Variants in SPRED1 observed in about 807,000 individuals in gnomAD.
The protein encoded by SPRED1 is sprouty-related, EVH1 domain-containing protein 1.
In SPRED1, 18 loss-of-function variants were observed where a neutral mutation model predicts 52.3. The observed-to-expected ratio is 0.34, with a 90% confidence interval of 0.24 to 0.51. The LOEUF (loss-of-function observed/expected upper bound fraction) is 0.51, where lower values mean the gene tolerates loss of function less well. Among genes scored for constraint, SPRED1 ranks in the 20% least tolerant of loss-of-function variants. The pLI is 0.97. For synonymous variants in SPRED1, 155 were observed against 179.7 expected, an observed-to-expected ratio of 0.86 and a Z score of 1.10; for missense variants, 485 against 551.0, an observed-to-expected ratio of 0.88 and a Z score of 1.20.
At position 38,349,531 on chromosome 15, in the gene SPRED1, A is replaced by G; in HGVS notation, c.684+8A>G. ...CTAAAGTCCCAAAATAGGGTAAGTA[A>G]TGTTAGTTTATCTTGTGATATGGAA... is the stretch of plus-strand genomic sequence containing the variant. On this transcript the variant is annotated splice_region_variant and intron_variant, in intron 6 of 6. Coordinates refer to ENST00000299084, the MANE Select transcript of SPRED1 (RefSeq NM_152594.3). The G allele has an allele frequency of 6.4e-7, 1 of 1,567,288 alleles. No homozygotes were observed. Among genetic ancestry groups the G allele is most frequent in the Non-Finnish European group, 8.8e-7 (1 of 1,139,676 alleles).
chr15:38,267,174 A>T (rs1346267697), intron 1 of SPRED1, among the ~76,000 whole-genome samples: 2 of 152,210 alleles, frequency 1.3e-5, no homozygotes, highest in African/African-American at 4.8e-5. Context: ...TTACCTGATT[A>T]AGTATATCAC....
At chr15:38,306,008 G>A (rs1183107917) in intron 2 of SPRED1, among the ~76,000 whole-genome samples, 4 of 151,152 alleles carry the variant, frequency 2.6e-5, no homozygotes, top group East Asian at 1.9e-4. Flanking sequence ...TCATTGCCCA[G>A]TTTTACCTGG....
At chr15:38,260,304 A>T (rs1316554242) in intron 1 of SPRED1, among the ~76,000 whole-genome samples, 1 of 152,194 alleles carries the variant, frequency 6.6e-6, no homozygotes. Flanking sequence ...TTGGAGCTGC[A>T]TAATTCCATG....
chr15:38,352,245 T>C lies in SPRED1; in HGVS notation c.*581T>C, dbSNP rs541503324. On this transcript the variant is annotated 3_prime_UTR_variant, in exon 7 of 7. Transcript: ENST00000299084. ...CCCCTTCCTAGTTCTGAAGTAGATA[T>C]ATATATATATATATCTACTGTCACA... is the stretch of plus-strand genomic sequence containing the variant. The C allele has an allele frequency of 1.5e-4, 23 of 152,556 alleles. No individual in the cohort carries two copies. Among genetic ancestry groups the C allele is most frequent in the Non-Finnish European group, 1.9e-4 (13 of 68,234 alleles). The allele number at this position is 152,556 out of a possible 1,614,324, so 9.5% of individuals were successfully genotyped here.
chr15:38,283,905 C>A (rs1894748581), intron 1 of SPRED1, among the ~76,000 whole-genome samples: 1 of 152,018 alleles, frequency 6.6e-6, no homozygotes, highest in African/African-American at 2.4e-5. Flanking sequence ...ATAGTAAAAA[C>A]TAATGGTAAA....
intron 2 of SPRED1, 144 bp from the exon 3 acceptor site, chr15:38,322,095 CTT>C (rs1895614010): frequency 1.3e-6 from 1 of 749,042 alleles, no homozygotes; most frequent in East Asian, 2.7e-5. Flanking sequence ...TATTGAGTGA[CTT>C]TGTGAAGTAG....
In SPRED1 at chr15:38,350,338, A is replaced by G. The variant is rs192504504; in HGVS notation, c.685-676A>G. 5.7e-4 allele frequency among the ~76,000 whole-genome samples: 87 copies of G among 152,166 alleles called. No individual in the cohort carries two copies. The South Asian group carries it at 8.7e-3, about 15-fold the overall frequency. On this transcript the variant is annotated intron_variant, in intron 6 of 6. Transcript: ENST00000299084. Reference sequence around the variant, plus strand: ...CCTGGTGTCTTTCTCTGTGTGTCCAAATTTCCTCATAAAGAAAACAGTCAG... The same window carrying G: ...CCTGGTGTCTTTCTCTGTGTGTCCAGATTTCCTCATAAAGAAAACAGTCAG...
At chr15:38,288,541 A>T (rs1894855192) in intron 1 of SPRED1, among the ~76,000 whole-genome samples, 1 of 152,178 alleles carries the variant, frequency 6.6e-6, no homozygotes, top group Admixed American at 6.5e-5. Context: ...TTGTTAGCTG[A>T]TGGCTTAGAA....
At chr15:38,292,343 T>A (rs934883577) in intron 1 of SPRED1, among the ~76,000 whole-genome samples, 1 of 152,238 alleles carries the variant, frequency 6.6e-6, no homozygotes, top group African/African-American at 2.4e-5. Context: ...AAACTCTGCC[T>A]GTTACCCAGT....
intron 1 of SPRED1, among the ~76,000 whole-genome samples, chr15:38,265,330 C>G (rs1433340786): frequency 6.6e-6 from 1 of 152,102 alleles, no homozygotes; most frequent in Non-Finnish European, 1.5e-5. Context: ...TTAAACAGAA[C>G]TTTTAGTTCT....
chr15:38,348,416 C>CTGTG lies in SPRED1; in HGVS notation c.583-986_583-983dup, dbSNP rs3075338. ...GTACAAAGGGTCCTATTTTAAAGAT[C>CTGTG]TGTGTGTGTGTGTGTGTGTGTGTCT... On this transcript the variant is annotated intron_variant, in intron 5 of 6. Transcript: ENST00000299084. Among the ~76,000 whole-genome samples the CTGTG allele has an allele frequency of 2.4e-3, 350 of 148,646 alleles. 1 individual carries two copies. The highest frequency in any genetic ancestry group is 0.01 in the Middle Eastern group (3 of 288).
intron 2 of SPRED1, among the ~76,000 whole-genome samples, chr15:38,305,229 G>A (rs1424799003): frequency 2.0e-5 from 3 of 152,012 alleles, no homozygotes; most frequent in Non-Finnish European, 4.4e-5. Context: ...CTACTTAGGA[G>A]GCTGAGGCAG....
chr15:38,318,019 T>C (rs922587467), intron 2 of SPRED1, among the ~76,000 whole-genome samples: 24 of 152,070 alleles, frequency 1.6e-4, no homozygotes, highest in Non-Finnish European at 2.4e-4. Flanking sequence ...GTACATTGCA[T>C]AGGGAACCTA....
chr15:38,283,389 G>A (rs1430886588), intron 1 of SPRED1: 1 of 389,234 alleles, frequency 2.6e-6, no homozygotes, highest in Non-Finnish European at 3.5e-6. Context: ...CACAGAGCCA[G>A]ACCATGTCTT....
At chr15:38,293,039 C>A (rs1044676286) in intron 1 of SPRED1, among the ~76,000 whole-genome samples, 3 of 150,584 alleles carry the variant, frequency 2.0e-5, no homozygotes, top group Non-Finnish European at 3.0e-5. Context: ...ATTATTATTT[C>A]CATTTTATAG....
intron 4 of SPRED1, among the ~76,000 whole-genome samples, chr15:38,328,569 C>T (rs995455589): frequency 3.3e-5 from 5 of 152,092 alleles, no homozygotes; most frequent in Admixed American, 2.6e-4. Flanking sequence ...TAGTATAGTG[C>T]TAATCACATA....
At chr15:38,335,879 AG>A (rs1186825332) in intron 4 of SPRED1, among the ~76,000 whole-genome samples, 5 of 152,144 alleles carry the variant, frequency 3.3e-5, no homozygotes, top group Admixed American at 2.6e-4. Context: ...CCTCTAATAA[AG>A]TTTAAAATAA....
At chr15:38,301,982 G>A (rs1248105814) in intron 2 of SPRED1, among the ~76,000 whole-genome samples, 1 of 151,684 alleles carries the variant, frequency 6.6e-6, no homozygotes, top group Non-Finnish European at 1.5e-5. Context: ...AATAAACAGT[G>A]CACTTTAGTA....
chr15:38,267,690 T>C (rs928476812), intron 1 of SPRED1, among the ~76,000 whole-genome samples: 2 of 152,224 alleles, frequency 1.3e-5, no homozygotes, highest in Non-Finnish European at 2.9e-5. Flanking sequence ...GTGTTTGTTA[T>C]AATGTTACTA....
Sources: gnomAD v4.1 joint callset for allele counts (sites outside exome capture counted in the v4.1 genomes callset) on GRCh38, gnomAD v4.1.1 for gene constraint, MANE v1.5 for transcripts, NCBI Gene and HGNC (gene_info 2026-07-23, HGNC 2026-07-21) for gene names.